The following HUNK variants were observed in gnomAD, a reference collection of about 807,000 sequenced individuals.
HUNK encodes hormonally up-regulated Neu-associated kinase, also known as hormonally up-regulated neu tumor-associated kinase.
A neutral mutation model predicts 61.0 loss-of-function variants in HUNK; 21 were observed. The observed-to-expected ratio is 0.34, with a 90% CI of 0.24 to 0.50. HUNK has a LOEUF of 0.50. Ranked by LOEUF, HUNK falls within the 20% of genes least tolerant of loss-of-function variation. HUNK has a pLI of 0.98. For missense variants in HUNK, 772 were observed against 945.7 expected (o/e 0.82, Z 2.41); for synonymous variants, 371 against 386.1 (o/e 0.96, Z 0.46).
intron 1 of HUNK, among the ~76,000 whole-genome samples, chr21:31,890,639 CA>C (rs1016042670): frequency 4.6e-5 from 7 of 152,284 alleles, no homozygotes; most frequent in Non-Finnish European, 8.8e-5. Flanking sequence ...GAGGTTGTTA[CA>C]AAATTTTCCC....
chr21:31,926,515 C>T (rs1409608518), intron 2 of HUNK, among the ~76,000 whole-genome samples: 2 of 152,140 alleles, frequency 1.3e-5, no homozygotes, highest in Admixed American at 6.5e-5. Context: ...CCCTCTTCCC[C>T]CAGCCCTGGC....
chr21:31,946,216 C>T, intron 4 of HUNK, 45 bp downstream of exon 4: 1 of 1,581,144 alleles, frequency 6.3e-7, no homozygotes, highest in Non-Finnish European at 8.7e-7. Flanking sequence ...CCTGCTGTCT[C>T]CACCGTGCCT....
chr21:31,944,142 CAGTCTTGGCTCACTGCA>C (rs1432053842), intron 3 of HUNK, among the ~76,000 whole-genome samples: 2 of 152,232 alleles, frequency 1.3e-5, no homozygotes, highest in Non-Finnish European at 2.9e-5. Context: ...TGCAGTGGCG[CAGTCTTGGCTCACTGCA>C]ACTTTTGCCT....
intron 4 of HUNK, among the ~76,000 whole-genome samples, chr21:31,957,548 A>G (rs2052897855): frequency 6.6e-6 from 1 of 152,306 alleles, no homozygotes; most frequent in Admixed American, 6.5e-5. Flanking sequence ...TGTTTTGACT[A>G]GAAATCTTAG....
intron 1 of HUNK, among the ~76,000 whole-genome samples, chr21:31,891,605 A>G (rs910019955): frequency 6.6e-6 from 1 of 152,244 alleles, no homozygotes; most frequent in Non-Finnish European, 1.5e-5. Context: ...CAGAGAAACC[A>G]TTAGGCTGAA....
At position 31,970,565 on chromosome 21, in the gene HUNK, C is replaced by T. The variant is rs563897081; in HGVS notation, c.1010+2180C>T. On this transcript the variant is annotated intron_variant, in intron 6 of 10. Transcript: ENST00000270112. ...TCCATACTCATGATGGAGAGCAGCA[C>T]GCAGGTATGCTTTCTGTTAAAGGAG... Among the ~76,000 whole-genome samples, 5 of 152,214 alleles carry T rather than the reference C, an allele frequency of 3.3e-5. No individual in the cohort carries two copies. In the South Asian group the frequency reaches 8.3e-4, roughly 25 times the overall value.
At position 31,966,595 on chromosome 21, in the gene HUNK, A is replaced by G. The variant is rs371065563; in HGVS notation, c.875-1655A>G. Among the ~76,000 whole-genome samples the G allele has an allele frequency of 1.1e-4, 16 of 152,188 alleles. No homozygotes were observed. The East Asian group carries it at 2.5e-3, about 24-fold the overall frequency. On this transcript the variant is annotated intron_variant, in intron 5 of 10. Coordinates refer to ENST00000270112, the MANE Select transcript of HUNK (RefSeq NM_014586.2). Reference sequence around the variant, plus strand: ...CTCTTGAGTTGATTCTGGCATCACAACTGGCCCCTTTTTTGATGGCCTCAT... The same window carrying G: ...CTCTTGAGTTGATTCTGGCATCACAGCTGGCCCCTTTTTTGATGGCCTCAT...
At chr21:31,883,973 C>G (rs1230154733) in intron 1 of HUNK, among the ~76,000 whole-genome samples, 1 of 152,150 alleles carries the variant, frequency 6.6e-6, no homozygotes, top group African/African-American at 2.4e-5. Flanking sequence ...TGATTCTGCC[C>G]CGACCCTTAC....
chr21:31,999,173 A>G lies in HUNK; in HGVS notation c.2134A>G (p.Thr712Ala). 6.2e-7 allele frequency: 1 copy of G among 1,603,154 alleles called. No homozygotes were observed. The highest frequency in any genetic ancestry group is 8.5e-7 in the Non-Finnish European group (1 of 1,174,760). ...CTTTGACATGGCCGATGGGGTCAAG[A>G]CCCAGTGCTAACTTGGGCCAGCGGG... ...LAFDMADGVK[T>A]QC Residue 712 changes from threonine to alanine, a missense_variant, in exon 11 of 11, where the codon ACC becomes GCC. Transcript: ENST00000270112.
At chr21:31,892,148 TAAAAAAA>T (rs748197431) in intron 1 of HUNK, among the ~76,000 whole-genome samples, 3 of 93,032 alleles carry the variant, frequency 3.2e-5, no homozygotes, top group African/African-American at 4.3e-5. Context: ...AGAATTTGGT[TAAAAAAA>T]AAAAAAAATA....
chr21:31,884,775 T>C (rs1218199440), intron 1 of HUNK, among the ~76,000 whole-genome samples: 1 of 151,466 alleles, frequency 6.6e-6, no homozygotes, highest in Non-Finnish European at 1.5e-5. Flanking sequence ...GACACGTCTC[T>C]TCTTTTTTTT....
At position 31,873,851 on chromosome 21, in the gene HUNK, C is replaced by G; in HGVS notation, c.177C>G (p.Gly59=). The G allele has an allele frequency of 6.3e-7, 1 of 1,586,016 alleles. No individual in the cohort carries two copies. Among genetic ancestry groups the G allele is most frequent in the Non-Finnish European group, 8.6e-7 (1 of 1,168,338 alleles). ...LRDFQHHKRV[G]NYLIGSRKLG... is the part of the protein sequence containing the mutation. Reference sequence around the variant, plus strand: ...ACTTCCAGCACCACAAGCGCGTGGGCAACTACCTCATCGGCAGCAGGAAGC... The same window carrying G: ...ACTTCCAGCACCACAAGCGCGTGGGGAACTACCTCATCGGCAGCAGGAAGC... The change falls in exon 1 of 11, where the codon GGC becomes GGG. Residue 59 remains glycine, a synonymous_variant. Transcript: ENST00000270112. This position sits in a 1 kb window ranked among gnomAD's most constrained non-coding sequence, Gnocchi z 6.1.
chr21:31,983,794 T>C (rs1481049412), intron 8 of HUNK, among the ~76,000 whole-genome samples, 185 bp downstream of exon 8: 3 of 152,194 alleles, frequency 2.0e-5, no homozygotes, highest in African/African-American at 4.8e-5. Flanking sequence ...TAAACCATGG[T>C]TCTCAGCTGT....
chr21:31,928,484 TCTCCAG>T (rs758145251), intron 2 of HUNK, among the ~76,000 whole-genome samples: 25 of 152,330 alleles, frequency 1.6e-4, no homozygotes, highest in Non-Finnish European at 2.8e-4. Flanking sequence ...CTTTCTCTGA[TCTCCAG>T]CTTTTTCTAC....
chr21:31,996,911 G>A (rs1159406859), intron 10 of HUNK, among the ~76,000 whole-genome samples: 10 of 152,194 alleles, frequency 6.6e-5, no homozygotes, highest in East Asian at 1.9e-4. Flanking sequence ...GCAGTGGATC[G>A]GGGAGGGGCA....
chr21:31,913,741 C>A (rs1228183945), intron 1 of HUNK, among the ~76,000 whole-genome samples: 1 of 151,766 alleles, frequency 6.6e-6, no homozygotes, highest in Non-Finnish European at 1.5e-5. Context: ...ACGCGTGCCT[C>A]CCCAGCAGAG....
chr21:31,877,719 T>C (rs2052275251), intron 1 of HUNK, among the ~76,000 whole-genome samples: 1 of 152,158 alleles, frequency 6.6e-6, no homozygotes, highest in African/African-American at 2.4e-5. Context: ...ACTCTCTGGC[T>C]TTGAGACGAA....
intron 4 of HUNK, among the ~76,000 whole-genome samples, chr21:31,957,190 G>C (rs1336605963): frequency 2.0e-5 from 3 of 152,144 alleles, no homozygotes; most frequent in Non-Finnish European, 2.9e-5. Flanking sequence ...TCATCTATTT[G>C]TTTGCACGTT....
At chr21:31,917,745 CACACACACACA>C (rs1568924783) in intron 1 of HUNK, among the ~76,000 whole-genome samples, 96 of 147,788 alleles carry the variant, frequency 6.5e-4, no homozygotes, top group Admixed American at 2.9e-3. Context: ...CACACACACA[CACACACACACA>C]CCCCTGGACT....
Sources: allele counts gnomAD v4.1 joint callset (sites outside exome capture counted in the v4.1 genomes callset), GRCh38; gene constraint gnomAD v4.1.1; non-coding constraint Gnocchi (gnomAD v3.1); transcripts MANE v1.5; gene names NCBI Gene and HGNC (gene_info 2026-07-23, HGNC 2026-07-21).